Variants in ANAPC7 observed in about 807,000 individuals in gnomAD.
ANAPC7 encodes anaphase promoting complex subunit 7, also known as anaphase-promoting complex subunit 7.
A neutral mutation model predicts 63.3 loss-of-function variants in ANAPC7; 25 were observed. That is an observed-to-expected ratio of 0.39 (90% CI 0.29 to 0.55). The LOEUF (loss-of-function observed/expected upper bound fraction) is 0.55, where lower values mean the gene tolerates loss of function less well. Ranked by LOEUF, ANAPC7 falls within the 20% of genes least tolerant of loss-of-function variation. The pLI, the probability that ANAPC7 is intolerant of heterozygous loss-of-function variation, is 0.57. For synonymous variants in ANAPC7, 241 were observed against 251.7 expected (o/e 0.96, Z 0.40); for missense variants, 516 against 691.7 (o/e 0.75, Z 2.85).
At chr12:110,385,903 G>C (rs768233115) in intron 6 of ANAPC7, among the ~76,000 whole-genome samples, 1 of 152,042 alleles carries the variant, frequency 6.6e-6, no homozygotes, top group Non-Finnish European at 1.5e-5. Context: ...TGTTGTTCAC[G>C]CCTAATTACT....
chr12:110,380,637 C>A (rs28562888), intron 8 of ANAPC7, among the ~76,000 whole-genome samples: 1 of 123,246 alleles, frequency 8.1e-6, no homozygotes, highest in Non-Finnish European at 1.6e-5. Flanking sequence ...GGTGACAGGG[C>A]GAGACTCTGT....
At chr12:110,389,112 A>T (rs1451017158) in intron 3 of ANAPC7, among the ~76,000 whole-genome samples, 1 of 151,348 alleles carries the variant, frequency 6.6e-6, no homozygotes, top group African/African-American at 2.4e-5. Context: ...AGAAAAGAAA[A>T]GAAATTACTA....
At position 110,382,459 on chromosome 12, in the gene ANAPC7, AAAAT is replaced by A. The variant is rs1459222982; in HGVS notation, c.935+380_935+383del. Among the ~76,000 whole-genome samples the A allele has an allele frequency of 7.2e-3, 376 of 51,916 alleles. 1 individual carries two copies. The highest frequency in any genetic ancestry group is 0.017 in the South Asian group (33 of 1,910). The allele number at this position is 51,916 out of a possible 152,430, so 34.1% of individuals were successfully genotyped here. ...ATCCTTTTAAAAAAAAAAAAAAAAA[AAAAT>A]ATATATATATATATATATATATATA... On this transcript the variant is annotated intron_variant, in intron 7 of 10. Transcript: ENST00000455511.
chr12:110,399,554 T>C (rs558867651), intron 1 of ANAPC7, among the ~76,000 whole-genome samples: 1 of 152,112 alleles, frequency 6.6e-6, no homozygotes, highest in East Asian at 1.9e-4. Flanking sequence ...TTTCTTTTTG[T>C]TGGGATAATG....
intron 4 of ANAPC7, 47 bp downstream of exon 4, chr12:110,388,461 ACTAT>A: frequency 1.4e-6 from 2 of 1,399,006 alleles, no homozygotes. Flanking sequence ...ATTGAGAACT[ACTAT>A]CTTTGACAGT....
intron 5 of ANAPC7, 187 bp from the exon 6 acceptor site, chr12:110,386,656 T>C: frequency 5.5e-6 from 3 of 542,104 alleles, no homozygotes; most frequent in South Asian, 5.2e-5. Context: ...AAACAAAGAA[T>C]AAAGCAGAAG....
intron 3 of ANAPC7, among the ~76,000 whole-genome samples, chr12:110,393,352 T>C (rs1566274610): frequency 1.3e-5 from 2 of 152,178 alleles, no homozygotes; most frequent in East Asian, 1.9e-4. Flanking sequence ...ATAAGAAATA[T>C]CAAAGTCTTC....
At chr12:110,393,862 CCT>C (rs1883316930) in intron 3 of ANAPC7, among the ~76,000 whole-genome samples, 1 of 122,882 alleles carries the variant, frequency 8.1e-6, no homozygotes, top group Admixed American at 8.4e-5. Flanking sequence ...AGCGAAACTC[CCT>C]CTCAAAAAAA....
At chr12:110,390,404 T>G (rs1295293662) in intron 3 of ANAPC7, among the ~76,000 whole-genome samples, 1 of 152,054 alleles carries the variant, frequency 6.6e-6, no homozygotes, top group Non-Finnish European at 1.5e-5. Flanking sequence ...CAACAGTATT[T>G]GCTAGATCAT....
chr12:110,403,461 G>A (rs2062262858), intron 1 of ANAPC7, 66 bp downstream of exon 1: 2 of 1,517,480 alleles, frequency 1.3e-6, no homozygotes, highest in South Asian at 1.2e-5. Context: ...CACGTGCCCT[G>A]AGCCCCCGCT....
Position 110,373,153 on chromosome 12 carries a change from G to A in ANAPC7, c.*991C>T. ...GTGGGAAGAAACTCCCAGCCCCAGA[G>A]CTCAGGGTGTGATACTCAGGCTGAC... is the stretch of plus-strand genomic sequence containing the variant. On this transcript the variant is annotated 3_prime_UTR_variant, in exon 11 of 11. Transcript: ENST00000455511. 6.6e-6 allele frequency: 1 copy of A among 152,134 alleles called. No homozygotes were observed. Among genetic ancestry groups the A allele is most frequent in the Non-Finnish European group, 1.5e-5 (1 of 68,048 alleles). The allele number at this position is 152,134 out of a possible 1,614,324, so 9.4% of individuals were successfully genotyped here.
At chr12:110,379,534 CA>C (rs956126275) in intron 8 of ANAPC7, among the ~76,000 whole-genome samples, 5 of 152,206 alleles carry the variant, frequency 3.3e-5, no homozygotes, top group Non-Finnish European at 5.9e-5. Context: ...GCTGGGAAGA[CA>C]GGGAAGTTAC....
chr12:110,379,701 A>C (rs1443315592), intron 8 of ANAPC7, among the ~76,000 whole-genome samples: 1 of 152,120 alleles, frequency 6.6e-6, no homozygotes, highest in Non-Finnish European at 1.5e-5. Flanking sequence ...TCCAAATTTT[A>C]TTTCTCAAAT....
intron 9 of ANAPC7, 59 bp downstream of exon 9, chr12:110,377,334 C>A: frequency 6.8e-7 from 1 of 1,477,628 alleles, no homozygotes; most frequent in South Asian, 1.2e-5. Flanking sequence ...GGGGCTCCAA[C>A]TGAGGTCAGG....
chr12:110,381,048 G>A (rs1461629263), intron 8 of ANAPC7, among the ~76,000 whole-genome samples: 3 of 150,784 alleles, frequency 2.0e-5, no homozygotes, highest in Non-Finnish European at 4.4e-5. Flanking sequence ...GGGGGCGAGC[G>A]GTGGGAGGAC....
intron 9 of ANAPC7, 117 bp from the exon 10 acceptor site, chr12:110,376,333 C>T: frequency 2.7e-6 from 3 of 1,125,284 alleles, no homozygotes; most frequent in Non-Finnish European, 3.8e-6. Context: ...AAAGCGAGGG[C>T]AAGCACACCT....
chr12:110,389,925 C>T (rs1327048741), intron 3 of ANAPC7, among the ~76,000 whole-genome samples: 1 of 151,484 alleles, frequency 6.6e-6, no homozygotes, highest in Non-Finnish European at 1.5e-5. Context: ...GAGCGAGACT[C>T]CGTCTCAAAA....
chr12:110,399,222 T>C (rs1382318862), intron 1 of ANAPC7, among the ~76,000 whole-genome samples: 6 of 151,902 alleles, frequency 3.9e-5, no homozygotes. Context: ...GGTTTCGCCA[T>C]GTTGGCCATC....
At chr12:110,388,759 A>G (rs544818917) in intron 3 of ANAPC7, 136 bp from the exon 4 acceptor site, 1 of 652,764 alleles carries the variant, frequency 1.5e-6, no homozygotes, top group African/African-American at 1.8e-5. Context: ...TGTGCAAATA[A>G]AGGCAGACTG....
Sources: allele counts gnomAD v4.1 joint callset (sites outside exome capture counted in the v4.1 genomes callset), GRCh38; gene constraint gnomAD v4.1.1; transcripts MANE v1.5; gene names NCBI Gene and HGNC (gene_info 2026-07-23, HGNC 2026-07-21).